CTNNA2: variants seen among roughly 807,000 people sequenced by gnomAD.
The protein encoded by CTNNA2 is catenin alpha 2, also known as catenin alpha-2.
A neutral mutation model predicts 101.0 loss-of-function variants in CTNNA2; 42 were observed. The observed-to-expected ratio is 0.42, with a 90% CI of 0.32 to 0.54. The LOEUF (loss-of-function observed/expected upper bound fraction) is 0.54. Among genes scored for constraint, CTNNA2 ranks in the 20% least tolerant of loss-of-function variants. The pLI is 0.14. For synonymous variants in CTNNA2, 450 were observed against 456.4 expected (o/e 0.99, Z 0.18); for missense variants, 871 against 1,223.1 (o/e 0.71, Z 4.29).
intron 4 of CTNNA2, among the ~76,000 whole-genome samples, chr2:79,422,582 CT>C (rs1678550902): frequency 6.6e-6 from 1 of 152,130 alleles, no homozygotes; most frequent in African/African-American, 2.4e-5. Context: ...TAGCTTACAA[CT>C]TAGAGTAAAG....
At chr2:79,657,191 C>T (rs1278249628) in intron 2 of CTNNA2, among the ~76,000 whole-genome samples, 2 of 151,592 alleles carry the variant, frequency 1.3e-5, no homozygotes, top group Non-Finnish European at 2.9e-5. Flanking sequence ...ACATAAACCC[C>T]TTGAGGCACA....
chr2:79,597,465 CA>C lies in CTNNA2; in HGVS notation c.-5-54071del, dbSNP rs35049509. ...CCAGCCTGGGCGACAGAGCGGGTCT[CA>C]AAAAAAAAAAAAAAAGAAATATTAG... On this transcript the variant is annotated intron_variant, in intron 1 of 18. Transcript: ENST00000402739. Among the ~76,000 whole-genome samples the C allele has an allele frequency of 5.5e-3, 760 of 138,606 alleles. 4 individuals carry two copies. Among genetic ancestry groups the C allele is most frequent in the African/African-American group, 0.012 (457 of 37,466 alleles). 90.9% of individuals were successfully genotyped at this position (138,606 alleles called of 152,430 possible). A position where few individuals can be genotyped will look rare whatever the true frequency, so the allele number is the denominator to read the frequency against.
chr2:79,279,942 GTTA>G (rs1243236584), intron 2 of CTNNA2, among the ~76,000 whole-genome samples: 1 of 152,058 alleles, frequency 6.6e-6, no homozygotes, highest in Non-Finnish European at 1.5e-5. Flanking sequence ...AAATCTCAAG[GTTA>G]TTATTCTCCC....
chr2:79,272,760 A>G (rs571207186), intron 2 of CTNNA2, among the ~76,000 whole-genome samples: 78 of 152,186 alleles, frequency 5.1e-4, no homozygotes, highest in African/African-American at 1.8e-3. Flanking sequence ...TGTGTTTTCT[A>G]TTCATCCAAT....
At chr2:79,672,357 G>A (rs1363877872) in intron 2 of CTNNA2, among the ~76,000 whole-genome samples, 1 of 152,058 alleles carries the variant, frequency 6.6e-6, no homozygotes, top group Non-Finnish European at 1.5e-5. Context: ...CAATAATCAC[G>A]AACATTAAAG....
chr2:80,177,521 G>C (rs1705470304), intron 7 of CTNNA2, among the ~76,000 whole-genome samples: 1 of 152,148 alleles, frequency 6.6e-6, no homozygotes, highest in Non-Finnish European at 1.5e-5. Flanking sequence ...GGAAGTCCGT[G>C]TTGCTGAGCC....
intron 3 of CTNNA2, among the ~76,000 whole-genome samples, chr2:79,786,821 G>A (rs1674884101): frequency 6.6e-6 from 1 of 152,062 alleles, no homozygotes. Flanking sequence ...TTCTCAACCT[G>A]ACAATCCATT....
chr2:80,572,332 A>C (rs1428662196), intron 12 of CTNNA2, among the ~76,000 whole-genome samples: 3 of 152,028 alleles, frequency 2.0e-5, no homozygotes, highest in Non-Finnish European at 4.4e-5. Flanking sequence ...AATTTTTAAT[A>C]TTTTTCCGTA....
At chr2:79,942,116 T>A (rs1688202707) in intron 7 of CTNNA2, among the ~76,000 whole-genome samples, 1 of 152,252 alleles carries the variant, frequency 6.6e-6, no homozygotes, top group East Asian at 1.9e-4. Context: ...CCCAACAGGA[T>A]GGGGAGAAAC....
At chr2:79,717,920 C>A (rs1686214113) in intron 2 of CTNNA2, among the ~76,000 whole-genome samples, 1 of 152,078 alleles carries the variant, frequency 6.6e-6, no homozygotes, top group Non-Finnish European at 1.5e-5. Flanking sequence ...TCAGCAGAGT[C>A]GTTATCATTT....
intron 7 of CTNNA2, among the ~76,000 whole-genome samples, chr2:80,115,368 G>A (rs1436920323): frequency 6.6e-6 from 1 of 152,146 alleles, no homozygotes; most frequent in African/African-American, 2.4e-5. Flanking sequence ...TTGAGAGAAT[G>A]GAACCTAACC....
chr2:79,722,608 A>G (rs984077666), intron 2 of CTNNA2, among the ~76,000 whole-genome samples: 6 of 152,162 alleles, frequency 3.9e-5, no homozygotes, highest in Admixed American at 2.0e-4. Flanking sequence ...ATTCTGTCTC[A>G]CAGTACACTT....
chr2:79,299,370 G>T (rs1029489379), intron 2 of CTNNA2, among the ~76,000 whole-genome samples: 1 of 152,148 alleles, frequency 6.6e-6, no homozygotes, highest in East Asian at 1.9e-4. Context: ...CAGCGTCATA[G>T]GCTACAAGAT....
intron 1 of CTNNA2, among the ~76,000 whole-genome samples, chr2:79,546,793 A>G (rs1292770675): frequency 1.3e-5 from 2 of 152,188 alleles, no homozygotes; most frequent in Non-Finnish European, 2.9e-5. Context: ...TGCAATAACT[A>G]TATACATATT....
chr2:80,339,559 T>A (rs893035090), intron 7 of CTNNA2, among the ~76,000 whole-genome samples: 1 of 152,146 alleles, frequency 6.6e-6, no homozygotes, highest in Non-Finnish European at 1.5e-5. Flanking sequence ...CCTCTTCCAG[T>A]GTGGATTTAG....
At chr2:80,294,500 A>G (rs1675561763) in intron 7 of CTNNA2, among the ~76,000 whole-genome samples, 1 of 152,006 alleles carries the variant, frequency 6.6e-6, no homozygotes, top group African/African-American at 2.4e-5. Flanking sequence ...GGCACCAGCC[A>G]ACCATGTCTT....
chr2:80,408,734 G>A (rs1573969339), intron 8 of CTNNA2, among the ~76,000 whole-genome samples: 1 of 152,222 alleles, frequency 6.6e-6, no homozygotes. Context: ...TCGACTAGGG[G>A]TGGGAGTGAA....
intron 2 of CTNNA2, among the ~76,000 whole-genome samples, chr2:79,732,946 GAGA>G (rs1687296035): frequency 6.6e-6 from 1 of 152,106 alleles, no homozygotes; most frequent in Admixed American, 6.6e-5. Flanking sequence ...GAGCCAGATT[GAGA>G]AGAACACACA....
At chr2:79,742,235 A>G (rs892817348) in intron 2 of CTNNA2, among the ~76,000 whole-genome samples, 7 of 152,174 alleles carry the variant, frequency 4.6e-5, no homozygotes, top group Non-Finnish European at 8.8e-5. Context: ...ATGAACCCAC[A>G]TTATAGTCGT....
Sources: allele counts gnomAD v4.1 joint callset (sites outside exome capture counted in the v4.1 genomes callset), GRCh38; gene constraint gnomAD v4.1.1; transcripts MANE v1.5; gene names NCBI Gene and HGNC (gene_info 2026-07-23, HGNC 2026-07-21).